The following AGBL1 variants were observed in gnomAD, a reference collection of about 807,000 sequenced individuals.
AGBL1 encodes cytosolic carboxypeptidase 4.
In AGBL1, 130 loss-of-function variants were observed where a neutral mutation model predicts 118.9. The observed-to-expected ratio is 1.09, with a 90% CI of 0.95 to 1.26. AGBL1 has a LOEUF of 1.26. AGBL1 is among the 50% of genes most tolerant of loss of function. AGBL1 has a pLI of 0.00. For missense variants in AGBL1, 1,584 were observed against 1,298.1 expected (o/e 1.22, Z -3.38); for synonymous variants, 555 against 478.9 (o/e 1.16, Z -2.08).
At chr15:86,890,190 T>C (rs1478708293) in intron 22 of AGBL1, among the ~76,000 whole-genome samples, 1 of 152,246 alleles carries the variant, frequency 6.6e-6, no homozygotes, top group South Asian at 2.1e-4. Flanking sequence ...GCTGCATGAA[T>C]GTCTTCTTTT....
intron 22 of AGBL1, among the ~76,000 whole-genome samples, chr15:86,856,229 C>G (rs940150878): frequency 1.3e-5 from 2 of 152,146 alleles, no homozygotes; most frequent in Non-Finnish European, 2.9e-5. Flanking sequence ...TCCCCAGAGG[C>G]TGAGATGTTA....
At chr15:86,815,967 G>A (rs1472949228) in intron 22 of AGBL1, among the ~76,000 whole-genome samples, 2 of 152,184 alleles carry the variant, frequency 1.3e-5, no homozygotes, top group African/African-American at 4.8e-5. Flanking sequence ...GACCTGTTGA[G>A]TCTGAGGTGG....
At chr15:86,888,771 C>T (rs572022898) in intron 22 of AGBL1, among the ~76,000 whole-genome samples, 6 of 152,104 alleles carry the variant, frequency 3.9e-5, no homozygotes, top group Admixed American at 1.3e-4. Flanking sequence ...ATTATTTGCA[C>T]GTCTTTCATG....
intron 22 of AGBL1, among the ~76,000 whole-genome samples, chr15:86,710,286 G>C (rs1218160755): frequency 6.6e-6 from 1 of 152,142 alleles, no homozygotes; most frequent in Non-Finnish European, 1.5e-5. Context: ...TGATGCACGT[G>C]ATTAGAGAAT....
At chr15:86,679,482 T>C (rs935042767) in intron 22 of AGBL1, among the ~76,000 whole-genome samples, 62 of 152,184 alleles carry the variant, frequency 4.1e-4, no homozygotes, top group African/African-American at 1.3e-3. Flanking sequence ...TTCCAGGGAT[T>C]TTTCTGTTTT....
chr15:86,769,187 GAGAC>G (rs1320903951), intron 22 of AGBL1, among the ~76,000 whole-genome samples: 66 of 138,560 alleles, frequency 4.8e-4, no homozygotes, highest in South Asian at 1.4e-3. Context: ...GAGAGAGAGA[GAGAC>G]AGAGAAAGAG....
chr15:86,948,830 G>A (rs1396876147), intron 23 of AGBL1, among the ~76,000 whole-genome samples: 1 of 152,226 alleles, frequency 6.6e-6, no homozygotes, highest in Admixed American at 6.5e-5. Context: ...TGTCAAGAAT[G>A]TTTAATACAC....
intron 18 of AGBL1, among the ~76,000 whole-genome samples, chr15:86,452,390 G>C (rs4887465): frequency 0.66 from 100,463 of 152,066 alleles, 34,933 homozygotes; most frequent in East Asian, 0.87. Context: ...AGATGCCTCT[G>C]ATTTGTAGCC....
In AGBL1 at chr15:86,288,592, C is replaced by CT. The variant is rs144370887; in HGVS notation, c.2221-6657dup. 8.1e-3 allele frequency among the ~76,000 whole-genome samples: 1,230 copies of CT among 151,852 alleles called. 20 individuals are homozygous for CT. The highest frequency in any genetic ancestry group is 0.028 in the African/African-American group (1,174 of 41,420). Reference sequence around the variant, plus strand: ...GAAAATGTGATTTGTATAATTTCTGCTTTTTTGGGGGAATAATCTAATGAG... The same window carrying CT: ...GAAAATGTGATTTGTATAATTTCTGCTTTTTTTGGGGGAATAATCTAATGAG... On this transcript the variant is annotated intron_variant, in intron 16 of 22. Transcript: ENST00000614907.
intron 18 of AGBL1, among the ~76,000 whole-genome samples, chr15:86,456,845 T>C (rs567807787): frequency 1.3e-5 from 2 of 152,324 alleles, no homozygotes; most frequent in South Asian, 2.1e-4. Flanking sequence ...TACAATGCTT[T>C]CTTGTTCAGA....
intron 17 of AGBL1, among the ~76,000 whole-genome samples, chr15:86,307,627 T>C (rs1279250084): frequency 1.3e-5 from 2 of 152,048 alleles, no homozygotes; most frequent in Non-Finnish European, 2.9e-5. Context: ...CTCAGCAGCA[T>C]AGGGTGGCGT....
chr15:86,825,676 G>A, intron 22 of AGBL1, among the ~76,000 whole-genome samples: 1 of 125,730 alleles, frequency 8.0e-6, no homozygotes, highest in East Asian at 2.9e-4. Flanking sequence ...AGGGAGGGAG[G>A]AAGGAAGGGA....
At chr15:86,082,221 G>C (rs1054753644) in intron 1 of AGBL1, among the ~76,000 whole-genome samples, 8 of 152,224 alleles carry the variant, frequency 5.3e-5, no homozygotes, top group African/African-American at 1.7e-4. Context: ...TGATGGATTT[G>C]ATGTCCTGTC....
intron 21 of AGBL1, among the ~76,000 whole-genome samples, chr15:86,667,350 T>C (rs2085665611): frequency 6.6e-6 from 1 of 152,034 alleles, no homozygotes; most frequent in Non-Finnish European, 1.5e-5. Flanking sequence ...AGGATTATGT[T>C]AATATTATAA....
chr15:86,858,671 G>A lies in AGBL1; in HGVS notation c.3159-48416G>A, dbSNP rs181829959. On this transcript the variant is annotated intron_variant, in intron 22 of 22. Transcript: ENST00000614907. ...TAAGAGCTTACATGCTCAGGAGGGA[G>A]TTGGGGTAACAGGGACAGGCTCAAG... 1.7e-3 allele frequency among the ~76,000 whole-genome samples: 256 copies of A among 152,320 alleles called. 3 individuals carry two copies. The highest frequency in any genetic ancestry group is 6.0e-4 in the Non-Finnish European group (41 of 68,030).
chr15:86,941,099 G>A (rs1263145421), intron 23 of AGBL1, among the ~76,000 whole-genome samples: 1 of 152,212 alleles, frequency 6.6e-6, no homozygotes, highest in Admixed American at 6.5e-5. Flanking sequence ...TGCGTGCTGT[G>A]ATATGAAGTA....
intron 1 of AGBL1, among the ~76,000 whole-genome samples, chr15:86,117,197 C>T (rs1278296131): frequency 1.3e-5 from 2 of 152,096 alleles, no homozygotes; most frequent in Non-Finnish European, 2.9e-5. Context: ...TGATGTGATG[C>T]ATGATTACCT....
intron 21 of AGBL1, 139 bp downstream of exon 21, chr15:86,554,676 G>A (rs2083708194): frequency 9.6e-6 from 8 of 833,438 alleles, no homozygotes; most frequent in South Asian, 4.0e-5. Context: ...CTTGAAAAAC[G>A]GGTTCAACAA....
intron 22 of AGBL1, among the ~76,000 whole-genome samples, chr15:86,879,637 T>C (rs961222669): frequency 5.9e-5 from 9 of 152,364 alleles, no homozygotes; most frequent in African/African-American, 1.9e-4. Context: ...TTATGTAATA[T>C]GCAATCCCCA....
Sources: gnomAD v4.1 joint callset for allele counts (sites outside exome capture counted in the v4.1 genomes callset) on GRCh38, gnomAD v4.1.1 for gene constraint, MANE v1.5 for transcripts, NCBI Gene and HGNC (gene_info 2026-07-23, HGNC 2026-07-21) for gene names.